The following TDRP variants were observed in gnomAD, a reference collection of about 807,000 sequenced individuals.
TDRP encodes the protein testis development related protein, also known as testis development-related protein.
TDRP carries 12 observed loss-of-function variants against 10.5 expected under a neutral mutation model. The ratio of observed to expected loss-of-function variants is 1.15; its 90% confidence interval spans 0.73 to 1.86. The LOEUF is 1.86. TDRP is among the 40% of genes most tolerant of loss of function. The pLI is 0.00. For missense variants in TDRP, 353 were observed against 229.2 expected (o/e 1.54, Z -3.49); for synonymous variants, 139 against 95.4 (o/e 1.46, Z -2.67).
chr8:507,715 G>A (rs992894736), intron 1 of TDRP, among the ~76,000 whole-genome samples: 1 of 152,062 alleles, frequency 6.6e-6, no homozygotes, highest in Non-Finnish European at 1.5e-5. Flanking sequence ...CAAATAAAGA[G>A]GCAAATAACA....
rs111387214 is a variant in TDRP at position 535,499 on chromosome 8, C to G, written c.108+9151G>C. 5.0e-3 allele frequency among the ~76,000 whole-genome samples: 758 copies of G among 152,232 alleles called. 3 individuals carry two copies. The highest frequency in any genetic ancestry group is 0.017 in the African/African-American group (722 of 41,528). ...AAAGAAAAAGGAAGTGTCCCTGGTC[C>G]GTGGACTGCATCTTGACTCACTCTG... On this transcript the variant is annotated intron_variant, in intron 1 of 2. Coordinates refer to ENST00000324079, the MANE Select transcript of TDRP (RefSeq NM_001384899.1).
intron 1 of TDRP, among the ~76,000 whole-genome samples, chr8:529,385 C>T (rs764286341): frequency 1.3e-5 from 2 of 152,050 alleles, no homozygotes; most frequent in African/African-American, 2.4e-5. Flanking sequence ...AATTCTATAC[C>T]AGAATTTAAA....
chr8:538,231 T>C (rs1006915647), intron 1 of TDRP, among the ~76,000 whole-genome samples: 1 of 152,136 alleles, frequency 6.6e-6, no homozygotes, highest in African/African-American at 2.4e-5. Context: ...TGGGAGATTC[T>C]TGCTACAGGT....
chr8:533,784 A>G (rs1408834131), intron 1 of TDRP, among the ~76,000 whole-genome samples: 3 of 152,164 alleles, frequency 2.0e-5, no homozygotes, highest in Non-Finnish European at 4.4e-5. Flanking sequence ...AAAGGGAAGT[A>G]TATAAAGTAT....
intron 1 of TDRP, among the ~76,000 whole-genome samples, chr8:525,601 C>A (rs1316904786): frequency 6.6e-6 from 1 of 152,100 alleles, no homozygotes; most frequent in East Asian, 1.9e-4. Context: ...TTTTTTAATG[C>A]AATAAGTGTT....
Position 500,830 on chromosome 8 carries a change from G to A in TDRP, c.109-6233C>T, listed in dbSNP as rs191743950. On this transcript the variant is annotated intron_variant, in intron 1 of 2. Transcript: ENST00000324079. Reference sequence around the variant, plus strand: ...AGCAAGGCTGAACAGTGACACCTAAGACCAACCCAGTAATGTGGGCAAGAC... The same window carrying A: ...AGCAAGGCTGAACAGTGACACCTAAAACCAACCCAGTAATGTGGGCAAGAC... Among the ~76,000 whole-genome samples, 26 of 152,276 alleles carry A rather than the reference G, an allele frequency of 1.7e-4. No individual in the cohort carries two copies. In the East Asian group the frequency reaches 4.6e-3, roughly 27 times the overall value.
chr8:525,010 G>T (rs1802000853), intron 1 of TDRP, among the ~76,000 whole-genome samples: 1 of 152,114 alleles, frequency 6.6e-6, no homozygotes, highest in African/African-American at 2.4e-5. Context: ...CTACTTCAAG[G>T]CTTTTACTAA....
intron 2 of TDRP, among the ~76,000 whole-genome samples, chr8:493,291 G>C (rs542997983): frequency 6.6e-6 from 1 of 152,228 alleles, no homozygotes; most frequent in African/African-American, 2.4e-5. Flanking sequence ...CTGACTGTCC[G>C]CGAGCATCAC....
rs972030806 is a variant in TDRP at position 534,432 on chromosome 8, T to G, written c.108+10218A>C. On this transcript the variant is annotated intron_variant, in intron 1 of 2. Coordinates refer to ENST00000324079, the MANE Select transcript of TDRP (RefSeq NM_001384899.1). ...GTTTAAAGATGCCTGCTTTAATACCTGCTGTTGATTCATTCACACCGAACT... is the reference window on the plus strand; with the variant it reads ...GTTTAAAGATGCCTGCTTTAATACCGGCTGTTGATTCATTCACACCGAACT... Among the ~76,000 whole-genome samples, 5 of 152,314 alleles carry G rather than the reference T, an allele frequency of 3.3e-5. No individual in the cohort carries two copies. In the East Asian group the frequency reaches 9.7e-4, roughly 29 times the overall value.
intron 1 of TDRP, among the ~76,000 whole-genome samples, chr8:504,468 A>C (rs1328046195): frequency 6.6e-6 from 1 of 151,972 alleles, no homozygotes; most frequent in Non-Finnish European, 1.5e-5. Context: ...TAAGAAACCC[A>C]CTCACCAAGT....
At chr8:524,416 T>C (rs955928245) in intron 1 of TDRP, among the ~76,000 whole-genome samples, 5 of 151,998 alleles carry the variant, frequency 3.3e-5, no homozygotes, top group Non-Finnish European at 7.4e-5. Context: ...AGAATCAAGA[T>C]CATCCAGGAA....
At chr8:522,930 T>A (rs150679865) in intron 1 of TDRP, among the ~76,000 whole-genome samples, 1 of 152,328 alleles carries the variant, frequency 6.6e-6, no homozygotes, top group African/African-American at 2.4e-5. Flanking sequence ...AAAGTGAGTA[T>A]CTTGTAGGTG....
chr8:526,580 T>C (rs536968397), intron 1 of TDRP, among the ~76,000 whole-genome samples: 25 of 152,332 alleles, frequency 1.6e-4, no homozygotes, highest in African/African-American at 5.5e-4. Context: ...ATTATCTTTT[T>C]AGTATGTTGT....
chr8:510,906 A>G (rs1025695477), intron 1 of TDRP, among the ~76,000 whole-genome samples: 46 of 152,248 alleles, frequency 3.0e-4, no homozygotes, highest in African/African-American at 1.1e-3. Flanking sequence ...CATATACTAC[A>G]TAGAAATGTA....
At chr8:534,360 A>G (rs998132658) in intron 1 of TDRP, among the ~76,000 whole-genome samples, 1 of 152,234 alleles carries the variant, frequency 6.6e-6, no homozygotes, top group South Asian at 2.1e-4. Flanking sequence ...GAGCCTCTGA[A>G]TAACAACTTT....
chr8:507,998 T>A (rs546385419), intron 1 of TDRP, among the ~76,000 whole-genome samples: 3 of 152,190 alleles, frequency 2.0e-5, no homozygotes, highest in East Asian at 1.9e-4. Context: ...GACCCATACA[T>A]CAGAAAACAA....
chr8:526,338 A>G (rs983787977), intron 1 of TDRP, among the ~76,000 whole-genome samples: 2 of 152,162 alleles, frequency 1.3e-5, no homozygotes, highest in Admixed American at 1.3e-4. Flanking sequence ...TCAGTATGAT[A>G]CTAGCTATGA....
At chr8:525,084 T>G (rs1361609565) in intron 1 of TDRP, among the ~76,000 whole-genome samples, 2 of 152,200 alleles carry the variant, frequency 1.3e-5, no homozygotes, top group Non-Finnish European at 2.9e-5. Context: ...AAGAAACAGA[T>G]AGCATACAAT....
At chr8:517,624 A>G (rs1029288232) in intron 1 of TDRP, among the ~76,000 whole-genome samples, 2 of 152,160 alleles carry the variant, frequency 1.3e-5, no homozygotes, top group Non-Finnish European at 2.9e-5. Context: ...CAGCCTTTCC[A>G]GGCCAAACCA....
Sources: gnomAD v4.1 joint callset for allele counts (sites outside exome capture counted in the v4.1 genomes callset) on GRCh38, gnomAD v4.1.1 for gene constraint, MANE v1.5 for transcripts, NCBI Gene and HGNC (gene_info 2026-07-23, HGNC 2026-07-21) for gene names.